Variants in LHX9 observed in about 807,000 individuals in gnomAD.
The protein encoded by LHX9 is LIM/homeobox protein Lhx9.
Under a neutral mutation model 36.5 loss-of-function variants are expected in LHX9, and 9 were observed. That is an observed-to-expected ratio of 0.25 (90% confidence interval 0.15 to 0.43). The LOEUF is 0.43. Ranked by LOEUF, LHX9 falls within the 20% of genes least tolerant of loss-of-function variation. The pLI is 1.00. For synonymous variants in LHX9, 211 were observed against 212.1 expected (o/e 0.99, Z 0.04); for missense variants, 464 against 526.4 (o/e 0.88, Z 1.16).
intron 1 of LHX9, chr1:197,918,387 C>G (rs1306920488): frequency 7.0e-6 from 5 of 717,004 alleles, no homozygotes; most frequent in Non-Finnish European, 1.3e-5. Context: ...GGCGCGCTGC[C>G]GAGGCGTCCG....
chr1:197,917,796 A>G lies in LHX9; in HGVS notation c.-28A>G. The G allele has an allele frequency of 1.2e-6, 2 of 1,613,972 alleles. No individual in the cohort carries two copies. The highest frequency in any genetic ancestry group is 1.7e-6 in the Non-Finnish European group (2 of 1,179,930). ...CTGGTCCCTTGCCTCCTTCACTCGGATGAGCTGAAAGCCCCGGGCGTGTGT... is the reference window on the plus strand; with the variant it reads ...CTGGTCCCTTGCCTCCTTCACTCGGGTGAGCTGAAAGCCCCGGGCGTGTGT... On this transcript the variant is annotated 5_prime_UTR_variant, in exon 1 of 5. The change abolishes an upstream ATG in the 5' untranslated region. Coordinates refer to ENST00000367387, the MANE Select transcript of LHX9 (RefSeq NM_020204.3).
At chr1:197,912,923 G>A (rs1403600408), upstream of LHX9, 4 of 310,128 alleles carry the variant, frequency 1.3e-5, no homozygotes, top group South Asian at 8.3e-5. Context: ...TTCTTGGAAG[G>A]GATGGAAGGG....
rs373234643 is a variant in LHX9 at position 197,935,054 on chromosome 1, T to C, written c.*5795T>C. ...GAAAAGTCTATGAATATGATGTAAG[T>C]AGTAACATTATTGCCACAACTAAAT... On this transcript the variant is annotated 3_prime_UTR_variant, in exon 5 of 5. Transcript: ENST00000367387. The C allele has an allele frequency of 6.6e-6, 1 of 152,140 alleles. No homozygotes were observed. Among genetic ancestry groups the C allele is most frequent in the Non-Finnish European group, 1.5e-5 (1 of 68,030 alleles). The allele number at this position is 152,140 out of a possible 1,614,324, so 9.4% of individuals were successfully genotyped here.
intron 1 of LHX9, among the ~76,000 whole-genome samples, 181 bp from the exon 2 acceptor site, chr1:197,919,791 G>T: frequency 6.6e-6 from 1 of 152,250 alleles, no homozygotes; most frequent in East Asian, 1.9e-4. Flanking sequence ...ACGGAAGAAA[G>T]CAAGCGGGCC....
chr1:197,925,948 G>C (rs1448765925), intron 3 of LHX9, among the ~76,000 whole-genome samples: 2 of 152,146 alleles, frequency 1.3e-5, no homozygotes, highest in African/African-American at 4.8e-5. Context: ...AGTTGAATAT[G>C]GTATAGTCAG....
rs1158685250 is a variant in LHX9, at chr1:197,934,516, C to T, written c.*5257C>T. On this transcript the variant is annotated 3_prime_UTR_variant, in exon 5 of 5. Coordinates refer to ENST00000367387, the MANE Select transcript of LHX9 (RefSeq NM_020204.3). ...AAGCTAGCTTTACTTGTAGAGAGTT[C>T]GTGTACTCTTGAGCTCATTCAATAG... 1.3e-5 allele frequency: 2 copies of T among 152,272 alleles called. No homozygotes were observed. Among genetic ancestry groups the T allele is most frequent in the Admixed American group, 1.3e-4 (2 of 15,304 alleles). The allele number at this position is 152,272 out of a possible 1,614,324, so 9.4% of individuals were successfully genotyped here.
In LHX9 at chr1:197,929,182, G is replaced by A. The variant is rs747557317; in HGVS notation, c.1117G>A (p.Val373Met). Residue 373 changes from valine (V) to methionine (M), a missense_variant, in exon 5 of 5, where the codon GTG becomes ATG. Transcript: ENST00000367387. ...CCTGACCAATCCCACTATCACTGTA[G>A]TGACATCCGTGACCTCTAACATGGA... is the stretch of plus-strand genomic sequence containing the variant. ...TDLTNPTITVVTSVTSNMDSH... is the reference protein window; with the variant it reads ...TDLTNPTITVMTSVTSNMDSH... 6.2e-7 allele frequency: 1 copy of A among 1,607,696 alleles called. No homozygotes were observed.
At chr1:197,913,023 C>T (rs1341128362), upstream of LHX9, 1 of 162,360 alleles carries the variant, frequency 6.2e-6, no homozygotes, top group Non-Finnish European at 1.3e-5. Context: ...AGTCCTAACC[C>T]AGCGCAGCCG....
intron 1 of LHX9, among the ~76,000 whole-genome samples, chr1:197,919,178 G>A (rs116019611): frequency 0.022 from 3,376 of 152,352 alleles, 42 homozygotes; most frequent in Non-Finnish European, 0.036. Flanking sequence ...TTTGCAGCGG[G>A]GCTGGGCTCC....
In LHX9 at chr1:197,929,480, T is replaced by C; in HGVS notation, c.*221T>C. ...AATATATTTTGTCTACAAAGTGTAT[T>C]TGGATTTAAAAAAATTAATTAGGTC... is the stretch of plus-strand genomic sequence containing the variant. On this transcript the variant is annotated 3_prime_UTR_variant, in exon 5 of 5. Transcript: ENST00000367387. The C allele has an allele frequency of 9.6e-7, 1 of 1,036,696 alleles. No individual in the cohort carries two copies. The highest frequency in any genetic ancestry group is 1.2e-6 in the Non-Finnish European group (1 of 860,126). 64.2% of individuals were successfully genotyped at this position (1,036,696 alleles called of 1,614,324 possible).
At chr1:197,913,739 A>T (rs1659677688), upstream of LHX9, among the ~76,000 whole-genome samples, 1 of 152,214 alleles carries the variant, frequency 6.6e-6, no homozygotes, top group Admixed American at 6.5e-5. Flanking sequence ...GCGCCTTTCA[A>T]ACCGAAGGGG....
rs1659821424 is a variant in LHX9 at position 197,917,848 on chromosome 1, G to A, written c.25G>A (p.Glu9Lys). ...TATGGAAATAGTGGGGTGCCGAGCA[G>A]AAGACAACTCGTGTCCTTTCCGCCC... MEIVGCRA[E>K]DNSCPFRPPA... Residue 9 changes from glutamate (E) to lysine (K), a missense_variant, in exon 1 of 5, where the codon GAA becomes AAA. This residue lies in a region of LHX9 where 119 missense variants were observed against 102.4 expected (regional missense o/e 1.16). Transcript: ENST00000367387. The A allele has an allele frequency of 9.3e-6, 15 of 1,614,096 alleles. 1 individual carries two copies. In the South Asian group the frequency reaches 1.3e-4, roughly 14 times the overall value.
chr1:197,920,034 G>T lies in LHX9; in HGVS notation c.237G>T (p.Ser79=), dbSNP rs763152763. The part of the protein sequence containing the change: ...ALCAGCGGKI[S]DRYYLLAVDK... ...GCGCCGGCTGCGGGGGCAAGATCTC[G>T]GACAGGTACTATCTGCTGGCTGTGG... The change falls in exon 2 of 5, where the codon TCG becomes TCT. Residue 79 remains serine, a synonymous_variant. Transcript: ENST00000367387. 5.6e-6 allele frequency: 9 copies of T among 1,614,140 alleles called. No homozygotes were observed. The highest frequency in any genetic ancestry group is 1.3e-5 in the African/African-American group (1 of 74,944).
In LHX9 at chr1:197,917,806, A is replaced by G. The variant is rs781277567; in HGVS notation, c.-18A>G. On this transcript the variant is annotated 5_prime_UTR_variant, in exon 1 of 5. Coordinates refer to ENST00000367387, the MANE Select transcript of LHX9 (RefSeq NM_020204.3). ...GCCTCCTTCACTCGGATGAGCTGAA[A>G]GCCCCGGGCGTGTGTATATGGAAAT... is the stretch of plus-strand genomic sequence containing the variant. 3 of 1,614,014 alleles carry G rather than the reference A, an allele frequency of 1.9e-6. No individual in the cohort carries two copies. The South Asian group carries it at 3.3e-5, about 18-fold the overall frequency.
In LHX9 at chr1:197,930,620, T is replaced by C. The variant is rs528863036; in HGVS notation, c.*1361T>C. On this transcript the variant is annotated 3_prime_UTR_variant, in exon 5 of 5. Coordinates refer to ENST00000367387, the MANE Select transcript of LHX9 (RefSeq NM_020204.3). ...TTTGGACCCCTTAAATCTCCTTTGG[T>C]GGTCGAAGTGGCTATTTAATAGATT... 1 of 152,150 alleles carries C rather than the reference T, an allele frequency of 6.6e-6. No homozygotes were observed. The highest frequency in any genetic ancestry group is 2.1e-4 in the South Asian group (1 of 4,830). 9.4% of individuals were successfully genotyped at this position (152,150 alleles called of 1,614,324 possible).
intron 4 of LHX9, among the ~76,000 whole-genome samples, chr1:197,927,997 T>C (rs1660196303): frequency 6.6e-6 from 1 of 152,210 alleles, no homozygotes. Flanking sequence ...TCTTTTTAAA[T>C]ACAGCCACAT....
chr1:197,912,556 G>T (rs780855042), upstream of LHX9: 2 of 1,614,202 alleles, frequency 1.2e-6, no homozygotes, highest in Admixed American at 3.3e-5. Context: ...CACTCTAGAG[G>T]CAGGTGAGTT....
chr1:197,931,908 AT>A lies in LHX9; in HGVS notation c.*2656del. The A allele has an allele frequency of 6.5e-7, 1 of 1,547,150 alleles. No individual in the cohort carries two copies. Among genetic ancestry groups the A allele is most frequent in the Non-Finnish European group, 8.7e-7 (1 of 1,144,358 alleles). ...CTGTAGTTAATAAATTGTCACTATG[AT>A]TTTTTTCAGGGAGAACAAATCTTGG... On this transcript the variant is annotated 3_prime_UTR_variant, in exon 5 of 5. Coordinates refer to ENST00000367387, the MANE Select transcript of LHX9 (RefSeq NM_020204.3).
intron 1 of LHX9, among the ~76,000 whole-genome samples, 166 bp from the exon 2 acceptor site, chr1:197,919,806 A>G (rs7537356): frequency 0.026 from 3,990 of 152,342 alleles, 183 homozygotes; most frequent in African/African-American, 0.089. Flanking sequence ...CGGGCCGCAA[A>G]GAGAGAAATC....
Sources: allele counts gnomAD v4.1 joint callset (sites outside exome capture counted in the v4.1 genomes callset), GRCh38; gene constraint gnomAD v4.1.1; regional missense constraint gnomAD v4.1.1; transcripts MANE v1.5; gene names NCBI Gene and HGNC (gene_info 2026-07-23, HGNC 2026-07-21).